Variants in C9orf57 observed in about 807,000 individuals in gnomAD.
C9orf57 encodes chromosome 9 open reading frame 57.
Under a neutral mutation model 12.9 loss-of-function variants are expected in C9orf57, and 12 were observed. The ratio of observed to expected loss-of-function variants is 0.93; its 90% CI spans 0.60 to 1.51. The LOEUF (loss-of-function observed/expected upper bound fraction) is 1.51, where lower values mean the gene tolerates loss of function less well. C9orf57 is among the 40% of genes most tolerant of loss of function. The pLI is 0.00. For synonymous variants in C9orf57, 49 were observed against 57.1 expected (o/e 0.86, Z 0.64); for missense variants, 141 against 162.8 (o/e 0.87, Z 0.73).
rs78523812 is a variant in C9orf57 at position 72,060,270 on chromosome 9, C to T, written c.-54+227G>A. Among the ~76,000 whole-genome samples the T allele has an allele frequency of 6.6e-5, 10 of 152,194 alleles. No homozygotes were observed. In the East Asian group the frequency reaches 1.9e-3, roughly 29 times the overall value. On this transcript the variant is annotated intron_variant, in intron 1 of 4. Transcript: ENST00000651200. ...CCATGTTGGCCAGGATGGTCTTGAT[C>T]TCTGGACCTCATGATCCACCCACCT...
Position 72,056,791 on chromosome 9 carries a change from G to T in C9orf57, c.150C>A (p.His50Gln). The T allele has an allele frequency of 6.5e-7, 1 of 1,550,134 alleles. No homozygotes were observed. Among genetic ancestry groups the T allele is most frequent in the Non-Finnish European group, 8.7e-7 (1 of 1,146,090 alleles). The part of the protein sequence containing the change: ...KPGQYWKEEV[H>Q]IQDVGGLICR... ...TAAAGTGTCAAAACTTACCTTGAAT[G>T]TGGACCTCTTCTTTCCAGTACTGAC... is the stretch of plus-strand genomic sequence containing the variant. The change falls in exon 3 of 5, where the codon CAC (histidine) becomes CAA (glutamine). Residue 50 changes from histidine (H) to glutamine (Q), a missense_variant. By Grantham distance (24) the His-to-Gln change is conservative. Transcript: ENST00000651200.
chr9:72,052,145 C>A lies in C9orf57; in HGVS notation c.*151G>T. The A allele has an allele frequency of 1.2e-6, 1 of 821,398 alleles. No homozygotes were observed. The allele number at this position is 821,398 out of a possible 1,614,324, so 50.9% of individuals were successfully genotyped here. ...GGGGAGATATTGGGAATATTGAAAA[C>A]CAAAGTCAATTTCAGATCAAAATTC... is the stretch of plus-strand genomic sequence containing the variant. On this transcript the variant is annotated 3_prime_UTR_variant, in exon 5 of 5. Coordinates refer to ENST00000651200, the MANE Select transcript of C9orf57 (RefSeq NM_001128618.2).
chr9:72,055,374 C>CTCCTTCCTTCCTTCCTTCCT (rs1161301685), intron 4 of C9orf57, among the ~76,000 whole-genome samples: 1 of 58,126 alleles, frequency 1.7e-5, no homozygotes, highest in African/African-American at 8.7e-5. Flanking sequence ...CCCTCCCTCC[C>CTCCTTCCTTCCTTCCTTCCT]TCCTTCCTTC....
intron 4 of C9orf57, among the ~76,000 whole-genome samples, chr9:72,053,109 C>T (rs1182708846): frequency 3.3e-5 from 5 of 152,088 alleles, no homozygotes; most frequent in South Asian, 4.1e-4. Context: ...CCCAGCACAT[C>T]GGGTAATACC....
chr9:72,054,821 T>C (rs1200910852), intron 4 of C9orf57, among the ~76,000 whole-genome samples: 1 of 151,900 alleles, frequency 6.6e-6, no homozygotes, highest in African/African-American at 2.4e-5. Context: ...TCCTTATCTT[T>C]TACATTTTGG....
rs1824274598 is a variant in C9orf57 at position 72,059,237 on chromosome 9, C to T, written c.95G>A (p.Gly32Asp). Residue 32 changes from glycine (G) to aspartate (D), a missense_variant and splice_region_variant, in exon 2 of 5, where the codon GGT becomes GAT. Transcript: ENST00000651200. ...CTTATGCTTTCCTAATGACTTACCA[C>T]CTAAGCGGCCGAATAAGATAACACC... is the stretch of plus-strand genomic sequence containing the variant. The part of the protein sequence containing the change: ...LLGVILFGRL[G>D]DLGTCQTKPG... 5 of 1,551,546 alleles carry T rather than the reference C, an allele frequency of 3.2e-6. No homozygotes were observed. The highest frequency in any genetic ancestry group is 4.4e-6 in the Non-Finnish European group (5 of 1,146,986).
At chr9:72,055,370 C>T (rs548792271) in intron 4 of C9orf57, among the ~76,000 whole-genome samples, 3 of 28,622 alleles carry the variant, frequency 1.0e-4, no homozygotes, top group African/African-American at 2.2e-4. Flanking sequence ...CCCTCCCTCC[C>T]TCCCTCCTTC....
intron 4 of C9orf57, among the ~76,000 whole-genome samples, chr9:72,053,159 G>A (rs1010291031): frequency 6.6e-6 from 1 of 152,118 alleles, no homozygotes; most frequent in Non-Finnish European, 1.5e-5. Flanking sequence ...GGGGCGGCAG[G>A]GTGGGGTTGG....
In C9orf57 at chr9:72,052,244, C is replaced by T; in HGVS notation, c.*52G>A. On this transcript the variant is annotated 3_prime_UTR_variant, in exon 5 of 5. Transcript: ENST00000651200. ...AGCCATCATTTTGTGATAGCCAGGT[C>T]AGGCTTCGAGACTGATTGATCTGCC... is the stretch of plus-strand genomic sequence containing the variant. 6.5e-7 allele frequency: 1 copy of T among 1,536,730 alleles called. No homozygotes were observed. The highest frequency in any genetic ancestry group is 8.8e-7 in the Non-Finnish European group (1 of 1,139,556).
Position 72,056,771 on chromosome 9 carries a change from T to C in C9orf57, c.157+13A>G, listed in dbSNP as rs1165849190. 1.3e-6 allele frequency: 2 copies of C among 1,547,068 alleles called. No homozygotes were observed. The highest frequency in any genetic ancestry group is 1.2e-5 in the South Asian group (1 of 83,350). On this transcript the variant is annotated intron_variant, in intron 3 of 4. Transcript: ENST00000651200. Reference sequence around the variant, plus strand: ...CTTATTTTAATTAAAATTTTTAAAGTGTCAAAACTTACCTTGAATGTGGAC... The same window carrying C: ...CTTATTTTAATTAAAATTTTTAAAGCGTCAAAACTTACCTTGAATGTGGAC...
intron 1 of C9orf57, among the ~76,000 whole-genome samples, chr9:72,060,151 A>G (rs1824301493): frequency 6.6e-6 from 1 of 151,970 alleles, no homozygotes. Flanking sequence ...GGTTCAAGCG[A>G]TTTTCCTGCC....
chr9:72,051,957 G>A lies in C9orf57; in HGVS notation c.*339C>T, dbSNP rs1438340643. Reference sequence around the variant, plus strand: ...ATATTTTGGAGTATGGAATTATTGAGGGAAATGAAAGTAGTTAGAGGTGAC... The same window carrying A: ...ATATTTTGGAGTATGGAATTATTGAAGGAAATGAAAGTAGTTAGAGGTGAC... On this transcript the variant is annotated 3_prime_UTR_variant, in exon 5 of 5. Transcript: ENST00000651200. 1 of 232,852 alleles carries A rather than the reference G, an allele frequency of 4.3e-6. No individual in the cohort carries two copies. The highest frequency in any genetic ancestry group is 2.3e-5 in the African/African-American group (1 of 43,650). The allele number at this position is 232,852 out of a possible 1,614,324, so 14.4% of individuals were successfully genotyped here.
At chr9:72,059,122 A>G in intron 2 of C9orf57, 113 bp downstream of exon 2, 1 of 1,368,852 alleles carries the variant, frequency 7.3e-7, no homozygotes, top group Non-Finnish European at 9.8e-7. Context: ...GACCTGATCC[A>G]CCCGCCTCAG....
intron 2 of C9orf57, 68 bp from the exon 3 acceptor site, chr9:72,056,911 A>G: frequency 1.7e-6 from 2 of 1,170,674 alleles, no homozygotes; most frequent in Admixed American, 2.6e-5. Flanking sequence ...ATATATGTAT[A>G]CTTTTTTTTT....
rs1196404770 is a variant in C9orf57 at position 72,052,257 on chromosome 9, T to C, written c.*39A>G. On this transcript the variant is annotated 3_prime_UTR_variant, in exon 5 of 5. Coordinates refer to ENST00000651200, the MANE Select transcript of C9orf57 (RefSeq NM_001128618.2). ...TGATAGCCAGGTCAGGCTTCGAGAC[T>C]GATTGATCTGCCAAGCATTTTAGAT... 3.9e-6 allele frequency: 6 copies of C among 1,547,858 alleles called. No homozygotes were observed. The highest frequency in any genetic ancestry group is 4.4e-6 in the Non-Finnish European group (5 of 1,145,208).
chr9:72,058,074 T>C (rs1374549136), intron 2 of C9orf57, among the ~76,000 whole-genome samples: 1 of 152,238 alleles, frequency 6.6e-6, no homozygotes. Context: ...ATTTGTATTT[T>C]AGATCTGCAG....
In C9orf57 at chr9:72,052,084, T is replaced by C. The variant is rs925805231; in HGVS notation, c.*212A>G. 2.0e-6 allele frequency: 1 copy of C among 506,818 alleles called. No individual in the cohort carries two copies. Among genetic ancestry groups the C allele is most frequent in the South Asian group, 3.0e-5 (1 of 33,758 alleles). The allele number at this position is 506,818 out of a possible 1,614,324, so 31.4% of individuals were successfully genotyped here. ...AAGGAGGAGAGGAGAGAAATGGTGTTGAAAGGGCTATTTCTCAGATGAGTT... is the reference window on the plus strand; with the variant it reads ...AAGGAGGAGAGGAGAGAAATGGTGTCGAAAGGGCTATTTCTCAGATGAGTT... On this transcript the variant is annotated 3_prime_UTR_variant, in exon 5 of 5. Coordinates refer to ENST00000651200, the MANE Select transcript of C9orf57 (RefSeq NM_001128618.2).
chr9:72,059,522 T>TA (rs1824283995), intron 1 of C9orf57, 138 bp from the exon 2 acceptor site: 5 of 1,127,414 alleles, frequency 4.4e-6, no homozygotes, highest in Non-Finnish European at 6.1e-6. Flanking sequence ...CCTGTCTTTA[T>TA]AAAAAAGTCA....
At chr9:72,055,067 T>C (rs1164148614) in intron 4 of C9orf57, among the ~76,000 whole-genome samples, 1 of 150,940 alleles carries the variant, frequency 6.6e-6, no homozygotes, top group African/African-American at 2.4e-5. Context: ...GGGAACATGG[T>C]GGTGCAAGCC....
Sources: gnomAD v4.1 joint callset for allele counts (sites outside exome capture counted in the v4.1 genomes callset) on GRCh38, gnomAD v4.1.1 for gene constraint, MANE v1.5 for transcripts, NCBI Gene and HGNC (gene_info 2026-07-23, HGNC 2026-07-21) for gene names.